The following SH3BP2 variants were observed in gnomAD, a reference collection of about 807,000 sequenced individuals.
SH3BP2 encodes the protein SH3 domain-binding protein 2.
Under a neutral mutation model 56.2 loss-of-function variants are expected in SH3BP2, and 38 were observed. That is an observed-to-expected ratio of 0.68 (90% confidence interval 0.52 to 0.89). SH3BP2 has a LOEUF of 0.89. Ranked by LOEUF, SH3BP2 falls within the 40% of genes least tolerant of loss-of-function variation. The pLI is 0.00. For missense variants in SH3BP2, 748 were observed against 762.6 expected (o/e 0.98, Z 0.23); for synonymous variants, 346 against 316.7 (o/e 1.09, Z -0.98).
chr4:2,833,063 G>A lies in SH3BP2; in HGVS notation c.1548+14G>A, dbSNP rs1413500358. 1.2e-6 allele frequency: 2 copies of A among 1,613,368 alleles called. No individual in the cohort carries two copies. The highest frequency in any genetic ancestry group is 2.7e-5 in the African/African-American group (2 of 74,926). On this transcript the variant is annotated intron_variant, in intron 12 of 12. Coordinates refer to ENST00000503393, the MANE Select transcript of SH3BP2 (RefSeq NM_001122681.2). ...ATTTTTGAGAAGGTGAGAGGGCTCT[G>A]AGTGGGACGGGGACCCTGGCCGCAT... is the stretch of plus-strand genomic sequence containing the variant.
chr4:2,822,868 G>A, intron 2 of SH3BP2, 67 bp from the exon 3 acceptor site: 1 of 1,213,790 alleles, frequency 8.2e-7, no homozygotes, highest in South Asian at 1.2e-5. Context: ...CCTGTGGAGG[G>A]TCCTCACAGT....
At chr4:2,827,714 A>G (rs761004102) in intron 7 of SH3BP2, 40 bp downstream of exon 7, 1 of 1,474,132 alleles carries the variant, frequency 6.8e-7, no homozygotes, top group Admixed American at 1.9e-5. Context: ...CTGGGTGTGT[A>G]GGAAGCAGGG....
Position 2,833,999 on chromosome 4 carries a change from G to C in SH3BP2, c.*165G>C. 1 of 862,172 alleles carries C rather than the reference G, an allele frequency of 1.2e-6. No individual in the cohort carries two copies. The highest frequency in any genetic ancestry group is 1.7e-6 in the Non-Finnish European group (1 of 574,794). The allele number at this position is 862,172 out of a possible 1,614,324, so 53.4% of individuals were successfully genotyped here. A position where few individuals can be genotyped will look rare whatever the true frequency, so the allele number is the denominator to read the frequency against. On this transcript the variant is annotated 3_prime_UTR_variant, in exon 13 of 13. Transcript: ENST00000503393. ...AGGACCCAGCCAGTCTCATCCAGCA[G>C]GTTGGGTTCTAGGGCTGAACCAGGC...
chr4:2,833,417 GCGTGGGCCAC>G (rs1725106077), intron 12 of SH3BP2: 3 of 584,308 alleles, frequency 5.1e-6, no homozygotes, highest in Non-Finnish European at 6.1e-6. Context: ...GGGATTACAG[GCGTGGGCCAC>G]CGTGCCTGGC....
chr4:2,812,577 C>G, intron 1 of SH3BP2: 1 of 1,421,762 alleles, frequency 7.0e-7, no homozygotes, highest in Non-Finnish European at 9.5e-7. Context: ...CAGCCTTCCT[C>G]GGGGCTGGCC....
chr4:2,826,983 G>C lies in SH3BP2; in HGVS notation c.429-247G>C, dbSNP rs867435157. Reference sequence around the variant, plus strand: ...CGTGTGCATTTGTGTGTTTGTCAGAGTATGTGTGCATGTGTGTGTCTGTCA... The same window carrying C: ...CGTGTGCATTTGTGTGTTTGTCAGACTATGTGTGCATGTGTGTGTCTGTCA... On this transcript the variant is annotated intron_variant, in intron 5 of 12. Coordinates refer to ENST00000503393, the MANE Select transcript of SH3BP2 (RefSeq NM_001122681.2). The C allele has an allele frequency of 2.4e-5, 16 of 663,518 alleles. No individual in the cohort carries two copies. In the Middle Eastern group the frequency reaches 1.4e-3, roughly 60 times the overall value. The allele number at this position is 663,518 out of a possible 1,614,324, so 41.1% of individuals were successfully genotyped here.
At chr4:2,802,389 G>A (rs562488096) in intron 1 of SH3BP2, among the ~76,000 whole-genome samples, 3 of 143,686 alleles carry the variant, frequency 2.1e-5, no homozygotes, top group African/African-American at 7.5e-5. Flanking sequence ...GTGAGACTCT[G>A]TCTCAAAAAA....
In SH3BP2 at chr4:2,824,640, G is replaced by A. The variant is rs748371031; in HGVS notation, c.267G>A (p.Thr89=). 14 of 1,613,824 alleles carry A rather than the reference G, an allele frequency of 8.7e-6. No homozygotes were observed. In the South Asian group the frequency reaches 8.8e-5, roughly 10 times the overall value. ...NRVMRAAEET[T]SNNVFPFKII... is the part of the protein sequence containing the mutation. Reference sequence around the variant, plus strand: ...TGATGCGGGCGGCTGAGGAGACCACGTCCAACAACGTTTTCCCCTTCAAGA... The same window carrying A: ...TGATGCGGGCGGCTGAGGAGACCACATCCAACAACGTTTTCCCCTTCAAGA... Residue 89 remains threonine (T), a synonymous_variant, in exon 4 of 13, where the codon ACG becomes ACA. Transcript: ENST00000503393.
intron 5 of SH3BP2, 174 bp downstream of exon 5, chr4:2,825,370 C>G (rs1724548511): frequency 1.5e-6 from 1 of 675,400 alleles, no homozygotes. Context: ...AACACAGATA[C>G]AGGACAAGCA....
In SH3BP2 at chr4:2,823,128, G is replaced by A. The variant is rs367677184; in HGVS notation, c.239+91G>A. 1,555 of 939,398 alleles carry A rather than the reference G, an allele frequency of 1.7e-3. 8 individuals are homozygous for A. In the African/African-American group the frequency reaches 0.022, roughly 13 times the overall value. 58.2% of individuals were successfully genotyped at this position (939,398 alleles called of 1,614,324 possible). A position where few individuals can be genotyped will look rare whatever the true frequency, so the allele number is the denominator to read the frequency against. ...CCAGCTGGGCCTGCCCCTTATTCCC[G>A]CCCAAGGAAAGTGCTTTCCCGAAGC... On this transcript the variant is annotated intron_variant, in intron 3 of 12. Transcript: ENST00000503393.
intron 1 of SH3BP2, chr4:2,812,143 A>T (rs1723774613): frequency 1.4e-6 from 2 of 1,403,982 alleles, no homozygotes; most frequent in Non-Finnish European, 1.9e-6. Context: ...TAAAACCCGG[A>T]TGGTGGATGA....
chr4:2,826,123 C>T (rs978172162), intron 5 of SH3BP2, among the ~76,000 whole-genome samples: 4 of 152,248 alleles, frequency 2.6e-5, no homozygotes, highest in Non-Finnish European at 4.4e-5. Flanking sequence ...CAGGTGGAGA[C>T]GTGGGCACAG....
chr4:2,812,375 T>G, intron 1 of SH3BP2: 1 of 1,550,174 alleles, frequency 6.5e-7, no homozygotes, highest in East Asian at 2.4e-5. Flanking sequence ...GTAGGCTGCC[T>G]GGGCTGGTGG....
chr4:2,805,295 A>G (rs934613418), intron 1 of SH3BP2, among the ~76,000 whole-genome samples: 2 of 152,134 alleles, frequency 1.3e-5, no homozygotes, highest in Non-Finnish European at 2.9e-5. Flanking sequence ...GCCCTTGCCT[A>G]TCGATGAGGA....
intron 1 of SH3BP2, among the ~76,000 whole-genome samples, chr4:2,807,522 G>T (rs1723581440): frequency 6.6e-6 from 1 of 152,184 alleles, no homozygotes; most frequent in Admixed American, 6.5e-5. Context: ...TTGACTTGGA[G>T]ATTTCAGAGA....
At chr4:2,809,432 T>G (rs1233371753) in intron 1 of SH3BP2, among the ~76,000 whole-genome samples, 1 of 151,594 alleles carries the variant, frequency 6.6e-6, no homozygotes, top group Non-Finnish European at 1.5e-5. Context: ...CTGGACTCAG[T>G]GCCCTCCCTG....
At chr4:2,807,881 A>G (rs7677047) in intron 1 of SH3BP2, among the ~76,000 whole-genome samples, 78,845 of 151,968 alleles carry the variant, frequency 0.52, 20,589 homozygotes, top group Admixed American at 0.58. Context: ...CCCAGCCTTC[A>G]GGAGGCTGTG....
At chr4:2,832,461 C>A in intron 11 of SH3BP2, 49 bp downstream of exon 11, 1 of 1,457,348 alleles carries the variant, frequency 6.9e-7, no homozygotes, top group Non-Finnish European at 9.6e-7. Context: ...TCTCCACACA[C>A]CCAGGCTGTG....
chr4:2,798,972 G>C (rs1422942661), intron 1 of SH3BP2: 2 of 985,624 alleles, frequency 2.0e-6, no homozygotes, highest in Non-Finnish European at 2.4e-6. Flanking sequence ...GTGTGTGGGA[G>C]TGGCCCCCCA....
Sources: allele counts gnomAD v4.1 joint callset (sites outside exome capture counted in the v4.1 genomes callset), GRCh38; gene constraint gnomAD v4.1.1; transcripts MANE v1.5; gene names NCBI Gene and HGNC (gene_info 2026-07-23, HGNC 2026-07-21).